Variants in MACROD2 observed in about 807,000 individuals in gnomAD.
MACROD2 encodes the protein mono-ADP ribosylhydrolase 2, also known as ADP-ribose glycohydrolase MACROD2.
A neutral mutation model predicts 70.4 loss-of-function variants in MACROD2; 36 were observed. The ratio of observed to expected loss-of-function variants is 0.51; its 90% CI spans 0.39 to 0.68. The LOEUF is 0.68. MACROD2 is among the 30% of genes least tolerant of loss of function. The probability of loss-of-function intolerance (pLI) is 0.00; values close to 1 mark genes in which losing one functional copy is unlikely to be tolerated. For missense variants in MACROD2, 496 were observed against 538.4 expected (o/e 0.92, Z 0.78); for synonymous variants, 172 against 178.8 (o/e 0.96, Z 0.30).
intron 8 of MACROD2, among the ~76,000 whole-genome samples, chr20:15,701,140 A>C (rs992006092): frequency 6.6e-6 from 1 of 152,284 alleles, no homozygotes; most frequent in Admixed American, 6.5e-5. Context: ...TGTAAGTTTC[A>C]CTGGAGCACC....
intron 2 of MACROD2, among the ~76,000 whole-genome samples, chr20:14,081,154 A>C (rs1017043276): frequency 1.8e-4 from 28 of 152,160 alleles, no homozygotes; most frequent in African/African-American, 6.8e-4. Flanking sequence ...ACTTGGTCAA[A>C]TTGCTCATCC....
intron 6 of MACROD2, among the ~76,000 whole-genome samples, chr20:15,365,232 T>A (rs1189166799): frequency 6.6e-6 from 1 of 152,180 alleles, no homozygotes; most frequent in Non-Finnish European, 1.5e-5. Flanking sequence ...TTATAGTGAA[T>A]ATAGTTATAT....
At chr20:15,069,601 C>T (rs953078662) in intron 5 of MACROD2, among the ~76,000 whole-genome samples, 7 of 152,216 alleles carry the variant, frequency 4.6e-5, no homozygotes, top group South Asian at 4.1e-4. Flanking sequence ...CCTGGATCCA[C>T]GCTAGCAGTG....
At chr20:14,181,758 T>C (rs1322490554) in intron 3 of MACROD2, among the ~76,000 whole-genome samples, 1 of 152,204 alleles carries the variant, frequency 6.6e-6, no homozygotes, top group Non-Finnish European at 1.5e-5. Context: ...CTTTCGTGTC[T>C]GGCTTCTTTT....
chr20:15,381,311 C>A (rs757387638), intron 6 of MACROD2, among the ~76,000 whole-genome samples: 3 of 151,626 alleles, frequency 2.0e-5, no homozygotes, highest in Non-Finnish European at 2.9e-5. Context: ...CACCTTAAAT[C>A]AAGAAAGGGA....
intron 5 of MACROD2, among the ~76,000 whole-genome samples, chr20:14,942,709 T>C (rs1016158343): frequency 5.3e-5 from 8 of 152,360 alleles, no homozygotes; most frequent in African/African-American, 1.9e-4. Flanking sequence ...AAAAGGCTTA[T>C]GGTATGCTCA....
At chr20:14,451,075 G>A (rs1426438371) in intron 3 of MACROD2, among the ~76,000 whole-genome samples, 1 of 152,000 alleles carries the variant, frequency 6.6e-6, no homozygotes, top group African/African-American at 2.4e-5. Flanking sequence ...GGAGTTTTTT[G>A]GGGGGCTGGT....
chr20:15,411,149 T>TACACACACACACAC (rs55750139), intron 6 of MACROD2, among the ~76,000 whole-genome samples: 3,167 of 144,204 alleles, frequency 0.022, 64 homozygotes, highest in Admixed American at 0.045. Context: ...GATATGTATT[T>TACACACACACACAC]ACACACACAC....
At chr20:15,072,251 T>G (rs1454269005) in intron 5 of MACROD2, among the ~76,000 whole-genome samples, 1 of 152,172 alleles carries the variant, frequency 6.6e-6, no homozygotes, top group African/African-American at 2.4e-5. Flanking sequence ...GATTTGATAG[T>G]TCATTGGAAG....
chr20:14,537,845 T>C (rs2085385017), intron 4 of MACROD2, among the ~76,000 whole-genome samples: 1 of 152,212 alleles, frequency 6.6e-6, no homozygotes, highest in African/African-American at 2.4e-5. Flanking sequence ...TTTGCCCATT[T>C]TAGACAGTCT....
chr20:14,978,986 C>G (rs2074772137), intron 5 of MACROD2, among the ~76,000 whole-genome samples: 1 of 146,976 alleles, frequency 6.8e-6, no homozygotes, highest in Non-Finnish European at 1.5e-5. Flanking sequence ...GGCCTTTGCT[C>G]TGTCACCTAG....
intron 8 of MACROD2, among the ~76,000 whole-genome samples, chr20:15,575,774 G>A (rs2048439159): frequency 6.6e-6 from 1 of 152,150 alleles, no homozygotes; most frequent in African/African-American, 2.4e-5. Context: ...GCACATCCAT[G>A]TAACCAGCAC....
At chr20:15,537,331 C>T (rs1243128132) in intron 8 of MACROD2, among the ~76,000 whole-genome samples, 1 of 152,040 alleles carries the variant, frequency 6.6e-6, no homozygotes, top group Non-Finnish European at 1.5e-5. Context: ...TATAAATTAC[C>T]CAGTCTTGGG....
At chr20:14,093,005 C>T (rs561928451) in intron 3 of MACROD2, among the ~76,000 whole-genome samples, 1 of 152,304 alleles carries the variant, frequency 6.6e-6, no homozygotes, top group South Asian at 2.1e-4. Context: ...CAAAATTCCA[C>T]ATATTTTTAT....
chr20:14,212,938 A>T (rs941832054), intron 3 of MACROD2, among the ~76,000 whole-genome samples: 1 of 151,812 alleles, frequency 6.6e-6, no homozygotes, highest in Non-Finnish European at 1.5e-5. Flanking sequence ...CAGAACCTCC[A>T]GATTCTACAT....
chr20:15,612,952 C>T (rs1358936679), intron 8 of MACROD2, among the ~76,000 whole-genome samples: 1 of 152,174 alleles, frequency 6.6e-6, no homozygotes, highest in Non-Finnish European at 1.5e-5. Context: ...ACAGCATGAT[C>T]ACACATTTCA....
At chr20:15,872,916 A>C (rs1414880602) in intron 9 of MACROD2, among the ~76,000 whole-genome samples, 1 of 152,316 alleles carries the variant, frequency 6.6e-6, no homozygotes, top group South Asian at 2.1e-4. Context: ...AACATAAATC[A>C]TGAACATTTT....
intron 3 of MACROD2, among the ~76,000 whole-genome samples, chr20:14,115,843 C>T (rs926543791): frequency 1.8e-4 from 27 of 152,264 alleles, no homozygotes; most frequent in Non-Finnish European, 2.2e-4. Flanking sequence ...TATAGTGATT[C>T]TGATTTTTCC....
At chr20:14,044,455 T>G (rs2148642551) in intron 2 of MACROD2, among the ~76,000 whole-genome samples, 1 of 152,226 alleles carries the variant, frequency 6.6e-6, no homozygotes, top group Non-Finnish European at 1.5e-5. Context: ...GCAGCCTGCT[T>G]TTATTCTCTT....
Sources: gnomAD v4.1 joint callset for allele counts (sites outside exome capture counted in the v4.1 genomes callset) on GRCh38, gnomAD v4.1.1 for gene constraint, MANE v1.5 for transcripts, NCBI Gene and HGNC (gene_info 2026-07-23, HGNC 2026-07-21) for gene names.